Variants in CBFA2T3 observed in about 807,000 individuals in gnomAD.
CBFA2T3 encodes CBFA2/RUNX1 partner transcriptional co-repressor 3.
A neutral mutation model predicts 58.6 loss-of-function variants in CBFA2T3; 31 were observed. The observed-to-expected ratio is 0.53, with a 90% confidence interval of 0.40 to 0.71. The LOEUF (loss-of-function observed/expected upper bound fraction) is 0.71, where lower values mean the gene tolerates loss of function less well. Ranked by LOEUF, CBFA2T3 falls within the 30% of genes least tolerant of loss-of-function variation. The pLI, the probability that CBFA2T3 is intolerant of heterozygous loss-of-function variation, is 0.00. For missense variants in CBFA2T3, 1,076 were observed against 963.1 expected (o/e 1.12, Z -1.55); for synonymous variants, 531 against 421.9 (o/e 1.26, Z -3.17).
chr16:88,880,910 G>T (rs1969042731), intron 9 of CBFA2T3, 122 bp from the exon 10 acceptor site: 3 of 908,750 alleles, frequency 3.3e-6, no homozygotes, highest in South Asian at 3.0e-5. Context: ...CTGGGGGGAG[G>T]CCCAGGTGCC....
rs1471327360 is a variant in CBFA2T3, at chr16:88,936,268, T to G, written c.152-34612A>C. 3.9e-5 allele frequency among the ~76,000 whole-genome samples: 6 copies of G among 152,144 alleles called. No individual in the cohort carries two copies. In the East Asian group the frequency reaches 1.2e-3, roughly 29 times the overall value. On this transcript the variant is annotated intron_variant, in intron 1 of 11. Coordinates refer to ENST00000268679, the MANE Select transcript of CBFA2T3 (RefSeq NM_005187.6). ...CTCCCAGGTATCTCCCATCCTGGTC[T>G]CCGGCAGGTCCCACCTGCTGCCTCC...
At position 88,918,548 on chromosome 16, in the gene CBFA2T3, C is replaced by T. The variant is rs574191092; in HGVS notation, c.152-16892G>A. On this transcript the variant is annotated intron_variant, in intron 1 of 11. Coordinates refer to ENST00000268679, the MANE Select transcript of CBFA2T3 (RefSeq NM_005187.6). The stretch of plus-strand genomic sequence containing the variant: ...ACTGGCACAGGCCCTGAGCTCCAAG[C>T]GTGCGGCCCACCAACCTCCTCAAAA... Among the ~76,000 whole-genome samples the T allele has an allele frequency of 4.7e-3, 709 of 152,390 alleles. 2 individuals are homozygous for T. Among genetic ancestry groups the T allele is most frequent in the African/African-American group, 0.016 (682 of 41,600 alleles).
At chr16:88,898,390 T>C (rs1969970821) in intron 2 of CBFA2T3, among the ~76,000 whole-genome samples, 1 of 152,202 alleles carries the variant, frequency 6.6e-6, no homozygotes, top group Admixed American at 6.5e-5. Context: ...GGCCGCCGTT[T>C]CCTGCTTCTC....
At chr16:88,915,581 A>G (rs1323177456) in intron 1 of CBFA2T3, among the ~76,000 whole-genome samples, 1 of 5,582 alleles carries the variant, frequency 1.8e-4, no homozygotes, top group Non-Finnish European at 2.9e-4. Flanking sequence ...GGGAGCGTGG[A>G]CGGGGGGAGC....
At position 88,953,787 on chromosome 16, in the gene CBFA2T3, C is replaced by A. The variant is rs1439172896; in HGVS notation, c.151+22870G>T. Among the ~76,000 whole-genome samples, 1 of 152,200 alleles carries A rather than the reference C, an allele frequency of 6.6e-6. No homozygotes were observed. On this transcript the variant is annotated intron_variant, in intron 1 of 11. Transcript: ENST00000268679. This position sits in a 1 kb window ranked among gnomAD's most constrained non-coding sequence, Gnocchi z 4.9. ...GTTTATTTCGCTGTGACTGCACCCCCTGAATCTTAATCATATGTGTCTCTG... is the reference window on the plus strand; with the variant it reads ...GTTTATTTCGCTGTGACTGCACCCCATGAATCTTAATCATATGTGTCTCTG...
intron 1 of CBFA2T3, among the ~76,000 whole-genome samples, chr16:88,921,607 G>T (rs375239429): frequency 1.1e-4 from 17 of 148,624 alleles, no homozygotes; most frequent in Admixed American, 2.7e-4. Context: ...GGGGAGGGAG[G>T]GGGGGCGGTT....
intron 1 of CBFA2T3, among the ~76,000 whole-genome samples, chr16:88,972,027 T>C (rs969914780): frequency 6.6e-6 from 1 of 152,232 alleles, no homozygotes; most frequent in African/African-American, 2.4e-5. Flanking sequence ...TCCAGGAAGC[T>C]GGCCCGGATT....
In CBFA2T3 at chr16:88,953,250, C is replaced by G. The variant is rs934628186; in HGVS notation, c.151+23407G>C. ...GCTCCCGGTGGAGAGGCCGAGGGAC[C>G]CTCATTTCTACGTTTGCATCCCTTT... On this transcript the variant is annotated intron_variant, in intron 1 of 11. Coordinates refer to ENST00000268679, the MANE Select transcript of CBFA2T3 (RefSeq NM_005187.6). The surrounding 1 kb of genome is among the most constrained non-coding windows in gnomAD (Gnocchi z 4.9). Among the ~76,000 whole-genome samples the G allele has an allele frequency of 2.0e-5, 3 of 152,174 alleles. No individual in the cohort carries two copies. Among genetic ancestry groups the G allele is most frequent in the Non-Finnish European group, 4.4e-5 (3 of 68,014 alleles).
At chr16:88,973,692 A>T (rs533983055) in intron 1 of CBFA2T3, among the ~76,000 whole-genome samples, 1 of 152,256 alleles carries the variant, frequency 6.6e-6, no homozygotes. Flanking sequence ...CTGGATGGCC[A>T]CTTGAGGGGA....
chr16:88,903,659 TG>T (rs34558819), intron 1 of CBFA2T3, among the ~76,000 whole-genome samples: 27,233 of 76,872 alleles, frequency 0.35, 4,265 homozygotes, highest in East Asian at 0.62. Context: ...TGTTCCCGGC[TG>T]GGGGGGGGGG....
intron 1 of CBFA2T3, among the ~76,000 whole-genome samples, chr16:88,917,135 T>C (rs974882549): frequency 6.6e-6 from 1 of 151,704 alleles, no homozygotes; most frequent in Non-Finnish European, 1.5e-5. Context: ...TGGTGGAATC[T>C]GAGATCATCG....
At chr16:88,892,578 A>G (rs1969686920) in intron 3 of CBFA2T3, 93 bp from the exon 4 acceptor site, 1 of 1,403,086 alleles carries the variant, frequency 7.1e-7, no homozygotes, top group Non-Finnish European at 1.0e-6. Flanking sequence ...GACTAAGGTG[A>G]CAATGTCAAA....
chr16:88,902,185 G>T (rs1388478722), intron 1 of CBFA2T3, among the ~76,000 whole-genome samples: 4 of 152,204 alleles, frequency 2.6e-5, no homozygotes, highest in Admixed American at 2.6e-4. Flanking sequence ...ATGCTAGAAG[G>T]CTCCCCTGGG....
intron 1 of CBFA2T3, among the ~76,000 whole-genome samples, chr16:88,964,517 T>C (rs1297587404): frequency 2.0e-5 from 3 of 152,200 alleles, no homozygotes; most frequent in Non-Finnish European, 4.4e-5. Flanking sequence ...ACTCGTCAGG[T>C]TCCGTGTGGC....
At chr16:88,929,847 G>A (rs74842631) in intron 1 of CBFA2T3, among the ~76,000 whole-genome samples, 1 of 149,946 alleles carries the variant, frequency 6.7e-6, no homozygotes, top group South Asian at 2.1e-4. Flanking sequence ...CATCATCCAC[G>A]CAAAAGCTAC....
chr16:88,974,136 C>T (rs934127727), intron 1 of CBFA2T3, among the ~76,000 whole-genome samples: 17 of 152,232 alleles, frequency 1.1e-4, no homozygotes, highest in African/African-American at 2.2e-4. Context: ...GCACCCTCCT[C>T]GGGTGACCTG....
chr16:88,914,008 C>A (rs1844116873), intron 1 of CBFA2T3, among the ~76,000 whole-genome samples: 1 of 152,206 alleles, frequency 6.6e-6, no homozygotes, highest in Non-Finnish European at 1.5e-5. Context: ...CCGGCCACTT[C>A]CTCAGCAAGC....
chr16:88,928,906 C>T (rs934787695), intron 1 of CBFA2T3, among the ~76,000 whole-genome samples: 3 of 152,216 alleles, frequency 2.0e-5, no homozygotes, highest in Non-Finnish European at 4.4e-5. Flanking sequence ...GGGCCAGCAG[C>T]GCAAAGGCCC....
intron 1 of CBFA2T3, among the ~76,000 whole-genome samples, chr16:88,970,099 G>GGGT (rs1484147315): frequency 1.6e-4 from 24 of 152,370 alleles, no homozygotes; most frequent in Admixed American, 2.6e-4. Flanking sequence ...GCAGGCCTGG[G>GGGT]GGAGGGGTTG....
Sources: allele counts gnomAD v4.1 joint callset (sites outside exome capture counted in the v4.1 genomes callset), GRCh38; gene constraint gnomAD v4.1.1; non-coding constraint Gnocchi (gnomAD v3.1); transcripts MANE v1.5; gene names NCBI Gene and HGNC (gene_info 2026-07-23, HGNC 2026-07-21).